The following GANAB variants were observed in gnomAD, a reference collection of about 807,000 sequenced individuals.
GANAB encodes glucosidase II alpha subunit.
A neutral mutation model predicts 129.9 loss-of-function variants in GANAB; 35 were observed. The observed-to-expected ratio is 0.27, with a 90% CI of 0.21 to 0.36. The LOEUF is 0.36. GANAB is among the 10% of genes least tolerant of loss of function. The pLI is 1.00. For missense variants in GANAB, 939 were observed against 1,221.0 expected (o/e 0.77, Z 3.44); for synonymous variants, 482 against 451.8 (o/e 1.07, Z -0.85).
Position 62,633,452 on chromosome 11 carries a change from C to T in GANAB, c.623G>A (p.Gly208Asp). 6.2e-7 allele frequency: 1 copy of T among 1,613,968 alleles called. No homozygotes were observed. The highest frequency in any genetic ancestry group is 8.5e-7 in the Non-Finnish European group (1 of 1,179,998). The change falls in exon 6 of 24, where the codon GGC (glycine) becomes GAC (aspartate). Residue 208 changes from glycine (G) to aspartate (D), a missense_variant. This residue lies in a region of GANAB where 321 missense variants were observed against 329.1 expected (regional missense o/e 0.98). Coordinates refer to ENST00000356638, the MANE Select transcript of GANAB (RefSeq NM_198334.3). ...GAQPEETPRD[G>D]DKPEETQGKA... ...CCACCCGCTCCAACTTGCCTTGTCG[C>T]CATCCCTGGGTGTTTCCTCAGGCTG... is the stretch of plus-strand genomic sequence containing the variant.
At chr11:62,645,259 G>A (rs759690052) in intron 1 of GANAB, among the ~76,000 whole-genome samples, 2 of 152,148 alleles carry the variant, frequency 1.3e-5, no homozygotes, top group East Asian at 1.9e-4. Flanking sequence ...AGTTGAGGCC[G>A]GGCGCGGTGG....
intron 1 of GANAB, among the ~76,000 whole-genome samples, chr11:62,645,537 C>CAA (rs11322640): frequency 6.9e-5 from 9 of 129,736 alleles, no homozygotes; most frequent in African/African-American, 2.3e-4. Flanking sequence ...CTCTGTCTCT[C>CAA]AAAAAAAAAA....
In GANAB at chr11:62,634,534, G is replaced by A. The variant is rs897552074; in HGVS notation, c.560+287C>T. ...AATAAAAACGAAGAAAATAAATCTG[G>A]GAAATGTGATGATGTGAGAAGGGGA... On this transcript the variant is annotated intron_variant, in intron 5 of 23. Coordinates refer to ENST00000356638, the MANE Select transcript of GANAB (RefSeq NM_198334.3). 4 of 635,664 alleles carry A rather than the reference G, an allele frequency of 6.3e-6. No individual in the cohort carries two copies. In the African/African-American group the frequency reaches 7.3e-5, roughly 12 times the overall value. The allele number at this position is 635,664 out of a possible 1,614,324, so 39.4% of individuals were successfully genotyped here. A position where few individuals can be genotyped will look rare whatever the true frequency, so the allele number is the denominator to read the frequency against.
chr11:62,626,098 C>T lies in GANAB; in HGVS notation c.2692G>A (p.Gly898Arg), dbSNP rs1408722537. The T allele has an allele frequency of 6.2e-7, 1 of 1,613,660 alleles. No individual in the cohort carries two copies. Among genetic ancestry groups the T allele is most frequent in the East Asian group, 2.2e-5 (1 of 44,894 alleles). ...WIERVVIIGAGKPAAVVLQTK... is the reference protein window; with the variant it reads ...WIERVVIIGARKPAAVVLQTK... The stretch of plus-strand genomic sequence containing the variant: ...TGGAGTACCACAGCTGCTGGCTTTC[C>T]AGCCCCTATTATCACCACCCGCTCA... The change falls in exon 23 of 24, where the codon GGA becomes AGA. Residue 898 changes from glycine (G) to arginine (R), a missense_variant. Around this residue, in one of 5 missense-constraint regions of GANAB, gnomAD observed 230 missense variants for 259.9 expected, o/e 0.89. Transcript: ENST00000356638.
intron 3 of GANAB, 76 bp downstream of exon 3, chr11:62,639,283 C>T (rs1944108850): frequency 1.6e-6 from 2 of 1,255,998 alleles, no homozygotes; most frequent in Admixed American, 3.4e-5. Context: ...AAGATGTTGG[C>T]CACAATTTCC....
In GANAB at chr11:62,639,617, A is replaced by G. The variant is rs368327013; in HGVS notation, c.143+10T>C. ...CTACATTCCATCCCTCTCCCCCAGA[A>G]ATATCATACTTGCAGAAAGAACTCT... On this transcript the variant is annotated intron_variant, in intron 2 of 23. Transcript: ENST00000356638. 2 of 1,588,040 alleles carry G rather than the reference A, an allele frequency of 1.3e-6. No individual in the cohort carries two copies. The highest frequency in any genetic ancestry group is 2.7e-5 in the African/African-American group (2 of 74,324).
chr11:62,629,355 G>T, intron 15 of GANAB, 60 bp from the exon 16 acceptor site: 2 of 1,180,942 alleles, frequency 1.7e-6, no homozygotes, highest in Non-Finnish European at 2.5e-6. Context: ...TTTTTACATG[G>T]CTGACCTCCC....
At chr11:62,630,130 G>A in intron 13 of GANAB, 67 bp downstream of exon 13, 1 of 1,395,730 alleles carries the variant, frequency 7.2e-7, no homozygotes, top group Non-Finnish European at 1.0e-6. Context: ...GGGTTGGCAA[G>A]CCGAGAGAGA....
Position 62,633,171 on chromosome 11 carries a change from C to A in GANAB, c.718+13G>T. 2 of 1,612,102 alleles carry A rather than the reference C, an allele frequency of 1.2e-6. No homozygotes were observed. The highest frequency in any genetic ancestry group is 1.7e-6 in the Non-Finnish European group (2 of 1,178,206). Reference sequence around the variant, plus strand: ...AGCCCTGCACCCCAGCCCAAGGAACCCGAGCCCCTCACCATACGGCTTGCT... The same window carrying A: ...AGCCCTGCACCCCAGCCCAAGGAACACGAGCCCCTCACCATACGGCTTGCT... On this transcript the variant is annotated intron_variant, in intron 7 of 23. Transcript: ENST00000356638.
chr11:62,640,649 CG>C (rs1177165996), intron 1 of GANAB, among the ~76,000 whole-genome samples: 3 of 151,024 alleles, frequency 2.0e-5, no homozygotes, highest in Admixed American at 6.6e-5. Flanking sequence ...CTGGCTAACA[CG>C]GTGAAACTCT....
Position 62,625,626 on chromosome 11 carries a change from G to A in GANAB, c.*189C>T, listed in dbSNP as rs1479889062. 13 of 602,222 alleles carry A rather than the reference G, an allele frequency of 2.2e-5. No individual in the cohort carries two copies. Among genetic ancestry groups the A allele is most frequent in the East Asian group, 5.6e-5 (2 of 35,872 alleles). The allele number at this position is 602,222 out of a possible 1,614,324, so 37.3% of individuals were successfully genotyped here. A position where few individuals can be genotyped will look rare whatever the true frequency, so the allele number is the denominator to read the frequency against. On this transcript the variant is annotated 3_prime_UTR_variant, in exon 24 of 24. Transcript: ENST00000356638. Reference sequence around the variant, plus strand: ...AGTTGGTATCAATGGAGTGGGAGAGGTGAGGAGATCACAAGAGGAATTTGG... The same window carrying A: ...AGTTGGTATCAATGGAGTGGGAGAGATGAGGAGATCACAAGAGGAATTTGG...
chr11:62,626,561 A>G lies in GANAB; in HGVS notation c.2511+10T>C, dbSNP rs1351582423. On this transcript the variant is annotated intron_variant, in intron 21 of 23. Coordinates refer to ENST00000356638, the MANE Select transcript of GANAB (RefSeq NM_198334.3). Reference sequence around the variant, plus strand: ...AAATGGCTGAGGAGACTCGCTGCCTATGCACTTACCTGAGGGCTAAGTGCA... The same window carrying G: ...AAATGGCTGAGGAGACTCGCTGCCTGTGCACTTACCTGAGGGCTAAGTGCA... The G allele has an allele frequency of 3.8e-6, 6 of 1,563,564 alleles. No homozygotes were observed. The highest frequency in any genetic ancestry group is 3.5e-6 in the Non-Finnish European group (4 of 1,134,312).
chr11:62,625,787 CT>C lies in GANAB; in HGVS notation c.*27del. On this transcript the variant is annotated 3_prime_UTR_variant, in exon 24 of 24. Transcript: ENST00000356638. ...CTCTCAGCACTAATGCTCCCCTTCC[CT>C]CCCCCTAACCCAGAACATCCCTTGG... 1 of 1,368,440 alleles carries C rather than the reference CT, an allele frequency of 7.3e-7. No individual in the cohort carries two copies. Among genetic ancestry groups the C allele is most frequent in the Non-Finnish European group, 1.0e-6 (1 of 956,754 alleles). The allele number at this position is 1,368,440 out of a possible 1,614,324, so 84.8% of individuals were successfully genotyped here.
At position 62,625,595 on chromosome 11, in the gene GANAB, G is replaced by A. The variant is rs564470422; in HGVS notation, c.*220C>T. 272 of 572,710 alleles carry A rather than the reference G, an allele frequency of 4.7e-4. No individual in the cohort carries two copies. The African/African-American group carries it at 4.8e-3, about 10-fold the overall frequency. The allele number at this position is 572,710 out of a possible 1,614,324, so 35.5% of individuals were successfully genotyped here. On this transcript the variant is annotated 3_prime_UTR_variant, in exon 24 of 24. Transcript: ENST00000356638. ...GCAACAGGATGTTGGGGGAATGAAG[G>A]GAAAGAGTTGGTATCAATGGAGTGG...
Position 62,633,282 on chromosome 11 carries a change from G to A in GANAB, c.631-11C>T. The A allele has an allele frequency of 2.5e-6, 4 of 1,606,484 alleles. No individual in the cohort carries two copies. The highest frequency in any genetic ancestry group is 3.4e-6 in the Non-Finnish European group (4 of 1,173,072). ...CTGAGTCTCCTCTGGCTGTTAAGAA[G>A]AAAAGAGGACCACTCTCCAATCATA... is the stretch of plus-strand genomic sequence containing the variant. On this transcript the variant is annotated splice_polypyrimidine_tract_variant and intron_variant, in intron 6 of 23. Transcript: ENST00000356638.
At chr11:62,627,241 G>A in intron 18 of GANAB, 48 bp downstream of exon 18, 1 of 1,409,910 alleles carries the variant, frequency 7.1e-7, no homozygotes, top group Non-Finnish European at 1.0e-6. Flanking sequence ...CATCCGCAGT[G>A]CTGCTTGGCC....
At chr11:62,626,993 G>GT in intron 19 of GANAB, 55 bp downstream of exon 19, 1 of 1,582,016 alleles carries the variant, frequency 6.3e-7, no homozygotes, top group Non-Finnish European at 8.7e-7. Context: ...GTCCCGTCCT[G>GT]TTTGCCTCCT....
intron 9 of GANAB, among the ~76,000 whole-genome samples, chr11:62,632,126 G>A (rs556653549): frequency 4.0e-5 from 6 of 150,866 alleles, no homozygotes; most frequent in South Asian, 2.1e-4. Context: ...GGAGTCCGCC[G>A]CCACACCCTG....
chr11:62,634,590 C>T, intron 5 of GANAB: 1 of 615,086 alleles, frequency 1.6e-6, no homozygotes, highest in South Asian at 2.0e-5. Flanking sequence ...GCAGGCCTCC[C>T]AGAGATGCCC....
Sources: gnomAD v4.1 joint callset for allele counts (sites outside exome capture counted in the v4.1 genomes callset) on GRCh38, gnomAD v4.1.1 for gene constraint, gnomAD v4.1.1 regional missense constraint, MANE v1.5 for transcripts, NCBI Gene and HGNC (gene_info 2026-07-23, HGNC 2026-07-21) for gene names.